The following FGF10 variants were observed in gnomAD, a reference collection of about 807,000 sequenced individuals.
FGF10 encodes the protein FGF-10.
FGF10 carries 2 observed loss-of-function variants against 19.8 expected under a neutral mutation model. The ratio of observed to expected loss-of-function variants is 0.10; its 90% confidence interval spans 0.04 to 0.32. The LOEUF (loss-of-function observed/expected upper bound fraction) is 0.32, where lower values mean the gene tolerates loss of function less well. Among genes scored for constraint, FGF10 ranks in the 10% least tolerant of loss-of-function variants. The pLI is 1.00. For synonymous variants in FGF10, 112 were observed against 94.0 expected, an observed-to-expected ratio of 1.19 and a Z score of -1.10; for missense variants, 191 against 246.3, an observed-to-expected ratio of 0.78 and a Z score of 1.50.
At chr5:44,361,136 C>A (rs775595728) in intron 1 of FGF10, among the ~76,000 whole-genome samples, 1 of 151,658 alleles carries the variant, frequency 6.6e-6, no homozygotes, top group African/African-American at 2.4e-5. Flanking sequence ...GCAGCAGCAA[C>A]TCTCAAGGTT....
intron 2 of FGF10, among the ~76,000 whole-genome samples, chr5:44,308,476 GA>G (rs1377812004): frequency 6.6e-6 from 1 of 152,092 alleles, no homozygotes; most frequent in African/African-American, 2.4e-5. Flanking sequence ...TCTCTTCAAA[GA>G]ATATGTACCT....
chr5:44,326,621 C>T (rs541526485), intron 1 of FGF10, among the ~76,000 whole-genome samples: 54 of 151,458 alleles, frequency 3.6e-4, no homozygotes, highest in African/African-American at 1.1e-3. Context: ...GTTGCCTAAG[C>T]TGTTCTCAAT....
intron 1 of FGF10, among the ~76,000 whole-genome samples, chr5:44,335,907 A>G (rs916811422): frequency 6.6e-6 from 1 of 152,096 alleles, no homozygotes; most frequent in Non-Finnish European, 1.5e-5. Context: ...AACAGTAATA[A>G]CTTCAACAGA....
chr5:44,331,880 T>G (rs1209518949), intron 1 of FGF10, among the ~76,000 whole-genome samples: 1 of 152,038 alleles, frequency 6.6e-6, no homozygotes, highest in Non-Finnish European at 1.5e-5. Context: ...ACTCAATACT[T>G]AGTGATTGGT....
chr5:44,369,496 A>C (rs761332908), intron 1 of FGF10, among the ~76,000 whole-genome samples: 1 of 152,132 alleles, frequency 6.6e-6, no homozygotes, highest in Non-Finnish European at 1.5e-5. Context: ...AAGAGCTCTC[A>C]ATCCCTAAAA....
rs1455688782 is a variant in FGF10 at position 44,301,155 on chromosome 5, C to T, written c.*3840G>A. On this transcript the variant is annotated 3_prime_UTR_variant, in exon 3 of 3. Coordinates refer to ENST00000264664, the MANE Select transcript of FGF10 (RefSeq NM_004465.2). Reference sequence around the variant, plus strand: ...TTTTTCAGTTTAAGTTGGAAAAGTCCTGCTTCATGAAATAAACAAGAACTC... The same window carrying T: ...TTTTTCAGTTTAAGTTGGAAAAGTCTTGCTTCATGAAATAAACAAGAACTC... 6.6e-6 allele frequency among the ~76,000 whole-genome samples: 1 copy of T among 151,786 alleles called. No homozygotes were observed. The highest frequency in any genetic ancestry group is 1.5e-5 in the Non-Finnish European group (1 of 67,984).
intron 1 of FGF10, among the ~76,000 whole-genome samples, chr5:44,377,701 G>A (rs1307083698): frequency 6.6e-6 from 1 of 152,066 alleles, no homozygotes; most frequent in East Asian, 1.9e-4. Flanking sequence ...AAATGCTTGG[G>A]ATCAGAAAGG....
intron 1 of FGF10, among the ~76,000 whole-genome samples, chr5:44,345,058 AC>A (rs770173553): frequency 6.6e-4 from 100 of 152,020 alleles, no homozygotes; most frequent in Non-Finnish European, 1.3e-3. Flanking sequence ...ATGTATATAC[AC>A]TATTTTCAAA....
intron 1 of FGF10, among the ~76,000 whole-genome samples, chr5:44,380,174 A>G (rs1741954779): frequency 6.6e-6 from 1 of 152,222 alleles, no homozygotes; most frequent in South Asian, 2.1e-4. Flanking sequence ...TCCATATGTT[A>G]CCATTTACCC....
At chr5:44,306,120 C>T (rs752084405) in intron 2 of FGF10, among the ~76,000 whole-genome samples, 14 of 152,104 alleles carry the variant, frequency 9.2e-5, no homozygotes, top group Non-Finnish European at 1.8e-4. Context: ...TAGAAGTAGC[C>T]TCCGCAGTGC....
intron 2 of FGF10, 79 bp from the exon 3 acceptor site, chr5:44,305,271 CCA>C: frequency 7.6e-7 from 1 of 1,319,416 alleles, no homozygotes; most frequent in Non-Finnish European, 1.1e-6. Context: ...CCAGAGAACT[CCA>C]GTCCAAGGAT....
At chr5:44,385,862 A>C in intron 1 of FGF10, among the ~76,000 whole-genome samples, 1 of 152,150 alleles carries the variant, frequency 6.6e-6, no homozygotes, top group East Asian at 1.9e-4. Context: ...GCCACATGTG[A>C]AATTAAGGCT....
chr5:44,346,520 C>T (rs947101708), intron 1 of FGF10, among the ~76,000 whole-genome samples: 4 of 151,768 alleles, frequency 2.6e-5, no homozygotes, highest in Non-Finnish European at 5.9e-5. Flanking sequence ...TCTCCCACTA[C>T]TCTCTACTTC....
At chr5:44,374,195 C>A (rs975920541) in intron 1 of FGF10, among the ~76,000 whole-genome samples, 29 of 152,206 alleles carry the variant, frequency 1.9e-4, no homozygotes, top group African/African-American at 6.3e-4. Flanking sequence ...ATCTTTAAAT[C>A]TTTCTGTTTC....
intron 1 of FGF10, among the ~76,000 whole-genome samples, chr5:44,332,745 T>C (rs1389806469): frequency 6.6e-6 from 1 of 152,144 alleles, no homozygotes; most frequent in Non-Finnish European, 1.5e-5. Flanking sequence ...TAAGTGATTT[T>C]CTTTGGTATA....
At chr5:44,330,503 C>T (rs1429548025) in intron 1 of FGF10, among the ~76,000 whole-genome samples, 1 of 152,138 alleles carries the variant, frequency 6.6e-6, no homozygotes, top group East Asian at 1.9e-4. Flanking sequence ...GCCTCTGTTT[C>T]AGAAAATTAA....
chr5:44,311,111 T>C (rs1297885797), intron 1 of FGF10, among the ~76,000 whole-genome samples: 1 of 152,068 alleles, frequency 6.6e-6, no homozygotes, highest in Non-Finnish European at 1.5e-5. Context: ...ACATCTGCAC[T>C]GTCCCTGAAA....
intron 1 of FGF10, among the ~76,000 whole-genome samples, chr5:44,322,969 C>A (rs997279574): frequency 6.6e-6 from 1 of 152,046 alleles, no homozygotes; most frequent in Non-Finnish European, 1.5e-5. Context: ...CAAAATCAGT[C>A]CCTGGTGCCA....
At chr5:44,309,100 G>A (rs1307192251) in intron 2 of FGF10, among the ~76,000 whole-genome samples, 3 of 152,124 alleles carry the variant, frequency 2.0e-5, no homozygotes, top group Non-Finnish European at 4.4e-5. Flanking sequence ...ACATAAAAAT[G>A]TAAAAATGAC....
Sources: gnomAD v4.1 joint callset for allele counts (sites outside exome capture counted in the v4.1 genomes callset) on GRCh38, gnomAD v4.1.1 for gene constraint, MANE v1.5 for transcripts, NCBI Gene and HGNC (gene_info 2026-07-23, HGNC 2026-07-21) for gene names.